SLC44A5: variants seen among roughly 807,000 people sequenced by gnomAD.
SLC44A5 encodes choline transporter-like protein 5.
In SLC44A5, 57 loss-of-function variants were observed where a neutral mutation model predicts 101.8. The ratio of observed to expected loss-of-function variants is 0.56; its 90% CI spans 0.45 to 0.70. The LOEUF is 0.70. Ranked by LOEUF, SLC44A5 falls within the 30% of genes least tolerant of loss-of-function variation. The pLI, the probability that SLC44A5 is intolerant of heterozygous loss-of-function variation, is 0.00. For synonymous variants in SLC44A5, 281 were observed against 290.9 expected (o/e 0.97, Z 0.35); for missense variants, 737 against 853.1 (o/e 0.86, Z 1.70).
chr1:75,211,609 TA>T (rs1164818028), intron 22 of SLC44A5, 57 bp from the exon 23 acceptor site: 5 of 1,251,356 alleles, frequency 4.0e-6, no homozygotes, highest in Non-Finnish European at 5.8e-6. Context: ...AGAAGAAGAA[TA>T]ATGCAGCTAT....
chr1:75,466,339 A>G (rs1232391403), intron 2 of SLC44A5, among the ~76,000 whole-genome samples: 1 of 152,178 alleles, frequency 6.6e-6, no homozygotes, highest in African/African-American at 2.4e-5. Flanking sequence ...TTCATGATAA[A>G]AATCCTCAAA....
At chr1:75,697,964 C>G in the SLC44A5 span, among the ~76,000 whole-genome samples, 1 of 152,202 alleles carries the variant, frequency 6.6e-6, no homozygotes, top group Non-Finnish European at 1.5e-5. Context: ...AAACCATGCA[C>G]CAGGAGATTA....
intron 2 of SLC44A5, among the ~76,000 whole-genome samples, chr1:75,459,467 A>G (rs915102240): frequency 2.0e-5 from 3 of 152,214 alleles, no homozygotes; most frequent in African/African-American, 4.8e-5. Context: ...GATCCTTTGT[A>G]GAGGATCCCC....
At chr1:75,267,656 TC>T (rs1366447472) in intron 6 of SLC44A5, among the ~76,000 whole-genome samples, 1 of 152,128 alleles carries the variant, frequency 6.6e-6, no homozygotes, top group Non-Finnish European at 1.5e-5. Context: ...GCTCAAGCCA[TC>T]CTCCCATCTC....
At chr1:75,422,686 T>C (rs1664080470) in intron 2 of SLC44A5, among the ~76,000 whole-genome samples, 1 of 152,200 alleles carries the variant, frequency 6.6e-6, no homozygotes. Context: ...GCTCCTAGAA[T>C]ACTTGGCAGT....
At chr1:75,350,089 C>G (rs557321718) in intron 3 of SLC44A5, among the ~76,000 whole-genome samples, 8 of 152,104 alleles carry the variant, frequency 5.3e-5, no homozygotes, top group Non-Finnish European at 8.8e-5. Context: ...CGCGCCCCCC[C>G]CAACTCCAGC....
rs550561629 is a variant in SLC44A5 at position 75,233,221 on chromosome 1, T to C, written c.853+765A>G. 4.6e-5 allele frequency among the ~76,000 whole-genome samples: 7 copies of C among 152,316 alleles called. No homozygotes were observed. The South Asian group carries it at 1.4e-3, about 32-fold the overall frequency. On this transcript the variant is annotated intron_variant, in intron 12 of 23. Transcript: ENST00000370859. Reference sequence around the variant, plus strand: ...ACCTTGATTTTAAAAATTGTATTTGTATAAATTTATGGGGTACGCATATAA... The same window carrying C: ...ACCTTGATTTTAAAAATTGTATTTGCATAAATTTATGGGGTACGCATATAA...
chr1:75,327,870 A>T (rs553223973), intron 4 of SLC44A5, among the ~76,000 whole-genome samples: 2 of 152,320 alleles, frequency 1.3e-5, no homozygotes, highest in East Asian at 3.9e-4. Context: ...CTTTGCCTTT[A>T]TGCCTCCTGA....
the SLC44A5 span, among the ~76,000 whole-genome samples, chr1:75,675,249 G>T: frequency 1.3e-5 from 2 of 152,144 alleles, no homozygotes; most frequent in Non-Finnish European, 1.5e-5. Flanking sequence ...CATGAGTATG[G>T]AATGTTTTTT....
intron 2 of SLC44A5, among the ~76,000 whole-genome samples, chr1:75,442,607 G>C (rs1665273793): frequency 6.6e-6 from 1 of 152,000 alleles, no homozygotes; most frequent in Admixed American, 6.6e-5. Context: ...CCCTTGCCCT[G>C]ATGTTTTCCT....
chr1:75,721,986 T>A, the SLC44A5 span, among the ~76,000 whole-genome samples: 1 of 152,178 alleles, frequency 6.6e-6, no homozygotes, highest in Non-Finnish European at 1.5e-5. Flanking sequence ...AATTGTTAAT[T>A]TTCATTGATG....
chr1:75,325,333 ATTG>A (rs1656495605), intron 4 of SLC44A5, among the ~76,000 whole-genome samples: 1 of 152,096 alleles, frequency 6.6e-6, no homozygotes. Context: ...TTAAACACCT[ATTG>A]TTGCCCTATA....
At chr1:75,520,371 T>A (rs1257169302) in intron 2 of SLC44A5, among the ~76,000 whole-genome samples, 3 of 152,182 alleles carry the variant, frequency 2.0e-5, no homozygotes, top group Non-Finnish European at 4.4e-5. Flanking sequence ...AATCCCAAAC[T>A]CACTTAAACA....
intron 3 of SLC44A5, among the ~76,000 whole-genome samples, chr1:75,385,384 C>A (rs1436397714): frequency 4.0e-5 from 6 of 151,686 alleles, no homozygotes; most frequent in African/African-American, 7.3e-5. Context: ...ATATCGCCAC[C>A]AATCCCACAG....
chr1:75,650,402 C>T, the SLC44A5 span, among the ~76,000 whole-genome samples: 6 of 152,126 alleles, frequency 3.9e-5, no homozygotes, highest in African/African-American at 1.4e-4. Flanking sequence ...CACAAAATGC[C>T]ACAAGATGAC....
At chr1:75,282,305 G>C (rs750474622) in intron 5 of SLC44A5, among the ~76,000 whole-genome samples, 26 of 152,186 alleles carry the variant, frequency 1.7e-4, no homozygotes, top group Admixed American at 3.9e-4. Context: ...ATTTGGAATG[G>C]GTGTATTAAC....
chr1:75,581,903 C>T (rs375026465), intron 1 of SLC44A5, among the ~76,000 whole-genome samples: 20 of 152,316 alleles, frequency 1.3e-4, no homozygotes, highest in South Asian at 4.1e-4. Flanking sequence ...TGAGTCCTCG[C>T]CAAAAACAGA....
chr1:75,216,549 C>A (rs1244862930), intron 18 of SLC44A5, among the ~76,000 whole-genome samples: 2 of 151,948 alleles, frequency 1.3e-5, no homozygotes, highest in African/African-American at 4.8e-5. Context: ...CATCATTTGA[C>A]ATTCCCTCCA....
At chr1:75,417,345 G>A (rs982664441) in intron 2 of SLC44A5, among the ~76,000 whole-genome samples, 1 of 152,158 alleles carries the variant, frequency 6.6e-6, no homozygotes, top group African/African-American at 2.4e-5. Context: ...TGATCGTGAG[G>A]CTTCTACAGC....
Sources: gnomAD v4.1 joint callset for allele counts (sites outside exome capture counted in the v4.1 genomes callset) on GRCh38, gnomAD v4.1.1 for gene constraint, MANE v1.5 for transcripts, NCBI Gene and HGNC (gene_info 2026-07-23, HGNC 2026-07-21) for gene names.